Variants in FBXO42 observed in about 807,000 individuals in gnomAD.
FBXO42 encodes F-box only protein 42.
In FBXO42, 12 loss-of-function variants were observed where a neutral mutation model predicts 71.7. The ratio of observed to expected loss-of-function variants is 0.17; its 90% CI spans 0.11 to 0.27. FBXO42 has a LOEUF of 0.27. FBXO42 is among the 10% of genes least tolerant of loss of function. The pLI, the probability that FBXO42 is intolerant of heterozygous loss-of-function variation, is 1.00. For synonymous variants in FBXO42, 325 were observed against 327.5 expected (o/e 0.99, Z 0.08); for missense variants, 707 against 911.9 (o/e 0.78, Z 2.89).
At chr1:16,341,638 G>T (rs1404796080) in intron 1 of FBXO42, among the ~76,000 whole-genome samples, 1 of 146,538 alleles carries the variant, frequency 6.8e-6, no homozygotes, top group Non-Finnish European at 1.5e-5. Flanking sequence ...AAAAAAAGTG[G>T]CAGTAAGTTT....
intron 1 of FBXO42, among the ~76,000 whole-genome samples, chr1:16,331,482 C>T (rs942337935): frequency 2.0e-5 from 3 of 150,808 alleles, no homozygotes; most frequent in Admixed American, 6.6e-5. Context: ...CGGCTTGGTG[C>T]GGTGGCTCAT....
rs977123157 is a variant in FBXO42 at position 16,335,494 on chromosome 1, C to A, written c.-18+16761G>T. Among the ~76,000 whole-genome samples the A allele has an allele frequency of 2.0e-5, 3 of 152,214 alleles. No individual in the cohort carries two copies. In the East Asian group the frequency reaches 5.8e-4, roughly 29 times the overall value. ...TTAGAGAGAATTAGCTGGTTTCCCA[C>A]TTCCTTCCTTCTTCCTTCTTCAATC... On this transcript the variant is annotated intron_variant, in intron 1 of 9. Transcript: ENST00000375592.
At chr1:16,313,676 G>A (rs1460836425) in intron 2 of FBXO42, among the ~76,000 whole-genome samples, 1 of 152,180 alleles carries the variant, frequency 6.6e-6, no homozygotes, top group Non-Finnish European at 1.5e-5. Flanking sequence ...AGGACTCCAT[G>A]AGAACCACCT....
intron 4 of FBXO42, among the ~76,000 whole-genome samples, chr1:16,258,156 G>A (rs2081666561): frequency 6.6e-6 from 1 of 152,246 alleles, no homozygotes; most frequent in Admixed American, 6.5e-5. Flanking sequence ...GCACATTACA[G>A]AACACTGTTT....
At chr1:16,325,365 A>C (rs1329736626) in intron 1 of FBXO42, among the ~76,000 whole-genome samples, 1 of 152,176 alleles carries the variant, frequency 6.6e-6, no homozygotes, top group Admixed American at 6.6e-5. Flanking sequence ...CGAAGCATAT[A>C]ATCTAGAGAC....
chr1:16,258,218 T>G (rs1322357051), intron 4 of FBXO42, among the ~76,000 whole-genome samples: 1 of 152,152 alleles, frequency 6.6e-6, no homozygotes, highest in Non-Finnish European at 1.5e-5. Context: ...AGTCTCAAGG[T>G]TGAGAAGGTA....
chr1:16,304,261 C>T (rs1557593287), intron 3 of FBXO42, among the ~76,000 whole-genome samples: 1 of 151,764 alleles, frequency 6.6e-6, no homozygotes, highest in African/African-American at 2.4e-5. Context: ...GGATTACTGG[C>T]ATGTGCCACC....
intron 3 of FBXO42, among the ~76,000 whole-genome samples, chr1:16,299,375 C>T (rs770393748): frequency 6.6e-6 from 1 of 152,164 alleles, no homozygotes; most frequent in Non-Finnish European, 1.5e-5. Context: ...GTCCTTACCA[C>T]ATGTATTTTA....
chr1:16,344,870 G>A (rs1420473423), intron 1 of FBXO42, among the ~76,000 whole-genome samples: 1 of 151,808 alleles, frequency 6.6e-6, no homozygotes, highest in East Asian at 1.9e-4. Flanking sequence ...AGGCCAAGGT[G>A]AGTGGATCAT....
intron 4 of FBXO42, among the ~76,000 whole-genome samples, chr1:16,278,674 G>A (rs79036939): frequency 0.026 from 3,927 of 152,150 alleles, 143 homozygotes; most frequent in African/African-American, 0.09. Flanking sequence ...CTTCATTAAC[G>A]GGACTGACAG....
At chr1:16,262,642 AC>A in intron 4 of FBXO42, among the ~76,000 whole-genome samples, 1 of 152,144 alleles carries the variant, frequency 6.6e-6, no homozygotes, top group Non-Finnish European at 1.5e-5. Context: ...GTGAGCCCAG[AC>A]CGTGCACCAG....
rs952257437 is a variant in FBXO42, at chr1:16,249,562, T to C, written c.*1108A>G. The C allele has an allele frequency of 1.3e-5, 2 of 152,218 alleles. No homozygotes were observed. The highest frequency in any genetic ancestry group is 2.9e-5 in the Non-Finnish European group (2 of 68,028). 9.4% of individuals were successfully genotyped at this position (152,218 alleles called of 1,614,324 possible). A position where few individuals can be genotyped will look rare whatever the true frequency, so the allele number is the denominator to read the frequency against. On this transcript the variant is annotated 3_prime_UTR_variant, in exon 10 of 10. Coordinates refer to ENST00000375592, the MANE Select transcript of FBXO42 (RefSeq NM_018994.3). ...ATGGGATGAGTGTGCTCAATGTGCTTTGGAAGTAAAAAGAAGCCCATAGGG... is the reference window on the plus strand; with the variant it reads ...ATGGGATGAGTGTGCTCAATGTGCTCTGGAAGTAAAAAGAAGCCCATAGGG...
intron 1 of FBXO42, among the ~76,000 whole-genome samples, chr1:16,321,894 C>A (rs558276203): frequency 1.3e-5 from 2 of 152,106 alleles, no homozygotes; most frequent in African/African-American, 2.4e-5. Context: ...TTAGGCCAGG[C>A]GTGGTGGCTC....
At chr1:16,316,522 G>A (rs1312727834) in intron 1 of FBXO42, among the ~76,000 whole-genome samples, 1 of 151,844 alleles carries the variant, frequency 6.6e-6, no homozygotes, top group Non-Finnish European at 1.5e-5. Flanking sequence ...GATCACCTTA[G>A]GTCAGGAGTT....
chr1:16,329,266 A>C (rs1474426536), intron 1 of FBXO42, among the ~76,000 whole-genome samples: 1 of 151,900 alleles, frequency 6.6e-6, no homozygotes, highest in Non-Finnish European at 1.5e-5. Flanking sequence ...ACTGGGCCAT[A>C]AAATAAATTG....
chr1:16,308,553 G>A (rs1192125384), intron 2 of FBXO42, among the ~76,000 whole-genome samples: 1 of 147,206 alleles, frequency 6.8e-6, no homozygotes, highest in Non-Finnish European at 1.5e-5. Context: ...AGGATGGAGT[G>A]CAGTGGCACG....
chr1:16,253,474 T>C (rs370922326), intron 7 of FBXO42, 161 bp downstream of exon 7: 4 of 637,914 alleles, frequency 6.3e-6, no homozygotes, highest in South Asian at 2.0e-5. Context: ...ATAAATAATA[T>C]GACCCATTAG....
intron 4 of FBXO42, among the ~76,000 whole-genome samples, chr1:16,265,162 C>T (rs913072877): frequency 2.3e-4 from 35 of 152,268 alleles, no homozygotes; most frequent in African/African-American, 8.2e-4. Flanking sequence ...GGCGCAATCT[C>T]GGCTCACCGC....
chr1:16,327,287 C>A (rs1373784720), intron 1 of FBXO42, among the ~76,000 whole-genome samples: 1 of 152,146 alleles, frequency 6.6e-6, no homozygotes, highest in Non-Finnish European at 1.5e-5. Context: ...TGACCAAAAG[C>A]ACAAAGCCAT....
Sources: allele counts gnomAD v4.1 joint callset (sites outside exome capture counted in the v4.1 genomes callset), GRCh38; gene constraint gnomAD v4.1.1; transcripts MANE v1.5; gene names NCBI Gene and HGNC (gene_info 2026-07-23, HGNC 2026-07-21).